PCDHGA6: variants seen among roughly 807,000 people sequenced by gnomAD.
PCDHGA6 encodes the protein protocadherin gamma-A6.
Under a neutral mutation model 60.6 loss-of-function variants are expected in PCDHGA6, and 41 were observed. The ratio of observed to expected loss-of-function variants is 0.68; its 90% confidence interval spans 0.53 to 0.88. The LOEUF is 0.88. Ranked by LOEUF, PCDHGA6 falls within the 40% of genes least tolerant of loss-of-function variation. PCDHGA6 has a pLI of 0.00. For synonymous variants in PCDHGA6, 594 were observed against 524.4 expected, an observed-to-expected ratio of 1.13 and a Z score of -1.81; for missense variants, 1,312 against 1,203.0, an observed-to-expected ratio of 1.09 and a Z score of -1.34.
chr5:141,389,906 T>A, intron 1 of PCDHGA6: 1 of 1,614,086 alleles, frequency 6.2e-7, no homozygotes, highest in Non-Finnish European at 8.5e-7. Context: ...CGGATATCAC[T>A]GACCGCCCCG....
chr5:141,375,805 C>G lies in PCDHGA6; in HGVS notation c.1722C>G (p.Gly574=), dbSNP rs748127561. ...CCCTCCCCACAGACGGTTCCACTGG[C>G]GTGGAGCTGGCGCCCCGCTCCGCAG... The part of the protein sequence containing the change: ...YPALPTDGST[G]VELAPRSAEP... The change falls in exon 1 of 4, where the codon GGC becomes GGG. Residue 574 remains glycine, a synonymous_variant. Coordinates refer to ENST00000517434, the MANE Select transcript of PCDHGA6 (RefSeq NM_018919.3). The G allele has an allele frequency of 6.2e-7, 1 of 1,614,214 alleles. No homozygotes were observed. Among genetic ancestry groups the G allele is most frequent in the Admixed American group, 1.7e-5 (1 of 60,034 alleles).
chr5:141,417,842 C>G (rs1247720013), intron 1 of PCDHGA6: 2 of 1,537,166 alleles, frequency 1.3e-6, no homozygotes, highest in Admixed American at 2.0e-5. Flanking sequence ...GGGGACCCAG[C>G]GAGAACCCGA....
At chr5:141,458,064 C>G (rs886724551) in intron 1 of PCDHGA6, among the ~76,000 whole-genome samples, 1 of 152,104 alleles carries the variant, frequency 6.6e-6, no homozygotes, top group Admixed American at 6.6e-5. Flanking sequence ...TGCACTGATG[C>G]GAACAACTAT....
intron 1 of PCDHGA6, chr5:141,421,138 G>T (rs2096548427): frequency 1.1e-6 from 1 of 899,466 alleles, no homozygotes. Context: ...ATATATTTTG[G>T]ATGTAGTCGG....
chr5:141,487,890 G>C lies in PCDHGA6; in HGVS notation c.2425-6917G>C. 3 of 745,430 alleles carry C rather than the reference G, an allele frequency of 4.0e-6. No homozygotes were observed. Among genetic ancestry groups the C allele is most frequent in the Non-Finnish European group, 6.5e-6 (3 of 462,522 alleles). The allele number at this position is 745,430 out of a possible 1,614,324, so 46.2% of individuals were successfully genotyped here. A position where few individuals can be genotyped will look rare whatever the true frequency, so the allele number is the denominator to read the frequency against. On this transcript the variant is annotated intron_variant, in intron 1 of 3. Coordinates refer to ENST00000517434, the MANE Select transcript of PCDHGA6 (RefSeq NM_018919.3). This position sits in a 1 kb window ranked among gnomAD's most constrained non-coding sequence, Gnocchi z 5.0. ...AAGAGCCAGGCTGTTGTGGAAGCAT[G>C]ATGATGGAATGTGGGAGCACAGGAG...
chr5:141,375,945 T>C lies in PCDHGA6; in HGVS notation c.1862T>C (p.Leu621Pro), dbSNP rs770100512. 1.2e-6 allele frequency: 2 copies of C among 1,613,448 alleles called. No individual in the cohort carries two copies. Among genetic ancestry groups the C allele is most frequent in the Non-Finnish European group, 8.5e-7 (1 of 1,179,954 alleles). Residue 621 changes from leucine to proline, a missense_variant, in exon 1 of 4, where the codon CTG becomes CCG. Coordinates refer to ENST00000517434, the MANE Select transcript of PCDHGA6 (RefSeq NM_018919.3). ...GAGCCAGGACTTTTCTCAGTGGGCCTGCACACGGGCGAGGTGCGCACGGCG... is the reference window on the plus strand; with the variant it reads ...GAGCCAGGACTTTTCTCAGTGGGCCCGCACACGGGCGAGGTGCGCACGGCG... ...ASEPGLFSVG[L>P]HTGEVRTARA...
intron 1 of PCDHGA6, among the ~76,000 whole-genome samples, chr5:141,436,749 C>T (rs2097844674): frequency 6.6e-6 from 1 of 152,154 alleles, no homozygotes; most frequent in Admixed American, 6.5e-5. Flanking sequence ...TGTGCTTCTC[C>T]ATATGGTATA....
rs199537783 is a variant in PCDHGA6 at position 141,389,536 on chromosome 5, A to G, written c.2424+13029A>G. 177 of 1,613,198 alleles carry G rather than the reference A, an allele frequency of 1.1e-4. No individual in the cohort carries two copies. Among genetic ancestry groups the G allele is most frequent in the Middle Eastern group, 9.9e-4 (6 of 6,036 alleles). On this transcript the variant is annotated intron_variant, in intron 1 of 3. Coordinates refer to ENST00000517434, the MANE Select transcript of PCDHGA6 (RefSeq NM_018919.3). ...AACGTGAGCCTGCGCGTGTTAGTGG[A>G]CGACCGCAACGACAATGCGCCACGG...
rs779949480 is a variant in PCDHGA6, at chr5:141,489,768, C to G, written c.2425-5039C>G. The G allele has an allele frequency of 6.2e-7, 1 of 1,614,134 alleles. No individual in the cohort carries two copies. The highest frequency in any genetic ancestry group is 1.1e-5 in the South Asian group (1 of 91,072). On this transcript the variant is annotated intron_variant, in intron 1 of 3. Coordinates refer to ENST00000517434, the MANE Select transcript of PCDHGA6 (RefSeq NM_018919.3). The surrounding 1 kb of genome is among the most constrained non-coding windows in gnomAD (Gnocchi z 4.5). ...GCTTTTACACTCTAAGCCCCAACAG[C>G]CACTTCTCTCTGAATGTGAAGACCC...
chr5:141,425,317 C>T (rs78746536), intron 1 of PCDHGA6, among the ~76,000 whole-genome samples: 174 of 152,168 alleles, frequency 1.1e-3, no homozygotes, highest in East Asian at 3.7e-3. Context: ...TTCCCAAGAT[C>T]GTGGAGAACA....
At position 141,405,272 on chromosome 5, in the gene PCDHGA6, A is replaced by G. The variant is rs551265067; in HGVS notation, c.2424+28765A>G. The G allele has an allele frequency of 9.3e-6, 15 of 1,614,170 alleles. No individual in the cohort carries two copies. In the South Asian group the frequency reaches 1.6e-4, roughly 18 times the overall value. On this transcript the variant is annotated intron_variant, in intron 1 of 3. Transcript: ENST00000517434. ...GAGTCACCTGATCTTCCCCCAGCCC[A>G]ACTATGCAGACACACTCATCAGCCA...
chr5:141,422,643 C>T, intron 1 of PCDHGA6: 1 of 1,612,336 alleles, frequency 6.2e-7, no homozygotes, highest in Non-Finnish European at 8.5e-7. Flanking sequence ...GTGCCTCCAT[C>T]TTCTCAGTGA....
At position 141,490,664 on chromosome 5, in the gene PCDHGA6, C is replaced by T; in HGVS notation, c.2425-4143C>T. 6.2e-7 allele frequency: 1 copy of T among 1,614,212 alleles called. No homozygotes were observed. The highest frequency in any genetic ancestry group is 1.1e-5 in the South Asian group (1 of 91,084). On this transcript the variant is annotated intron_variant, in intron 1 of 3. Coordinates refer to ENST00000517434, the MANE Select transcript of PCDHGA6 (RefSeq NM_018919.3). The surrounding 1 kb of genome is among the most constrained non-coding windows in gnomAD (Gnocchi z 5.4). ...CGGCCTCCGGGCTCCCTTCTTTGCA[C>T]TGTGGCTGCCTCAGATCCAGACACT...
Position 141,476,064 on chromosome 5 carries a change from C to T in PCDHGA6, c.2425-18743C>T, listed in dbSNP as rs1593605493. On this transcript the variant is annotated intron_variant, in intron 1 of 3. Transcript: ENST00000517434. The surrounding 1 kb of genome is among the most constrained non-coding windows in gnomAD (Gnocchi z 7.6). Reference sequence around the variant, plus strand: ...CGCTAACCCGCTGAAAGTTTCTCAGCGAAATCTCAGGGACGATCTGGACCC... The same window carrying T: ...CGCTAACCCGCTGAAAGTTTCTCAGTGAAATCTCAGGGACGATCTGGACCC... 2.0e-6 allele frequency: 3 copies of T among 1,510,080 alleles called. No homozygotes were observed. In the East Asian group the frequency reaches 6.8e-5, roughly 34 times the overall value. 93.5% of individuals were successfully genotyped at this position (1,510,080 alleles called of 1,614,324 possible). A position where few individuals can be genotyped will look rare whatever the true frequency, so the allele number is the denominator to read the frequency against.
At chr5:141,448,143 A>C (rs2098568288) in intron 1 of PCDHGA6, among the ~76,000 whole-genome samples, 1 of 152,012 alleles carries the variant, frequency 6.6e-6, no homozygotes, top group Admixed American at 6.6e-5. Context: ...ACTATACCTC[A>C]GACTCACCCC....
At chr5:141,421,679 C>T (rs1210753842) in intron 1 of PCDHGA6, 2 of 1,613,810 alleles carry the variant, frequency 1.2e-6, no homozygotes, top group Admixed American at 1.7e-5. Context: ...ATTCCTGGGG[C>T]GCGATTTGCT....
intron 1 of PCDHGA6, among the ~76,000 whole-genome samples, chr5:141,482,760 C>CAGCTGTG (rs1363796107): frequency 2.1e-5 from 3 of 141,084 alleles, no homozygotes; most frequent in African/African-American, 5.7e-5. Flanking sequence ...TATGGTATTT[C>CAGCTGTG]ATTATCACTG....
chr5:141,481,622 G>A (rs957374253), intron 1 of PCDHGA6, among the ~76,000 whole-genome samples: 6 of 151,854 alleles, frequency 4.0e-5, no homozygotes, highest in African/African-American at 1.2e-4. Flanking sequence ...GTTCAAGACC[G>A]GCCTGGCCAA....
rs1352437587 is a variant in PCDHGA6 at position 141,389,683 on chromosome 5, C to T, written c.2424+13176C>T. The stretch of plus-strand genomic sequence containing the variant: ...GTGGACGCAGACTCAGGACACAACG[C>T]CTGGCTGTCCTACCACGTGCTGCAG... On this transcript the variant is annotated intron_variant, in intron 1 of 3. Coordinates refer to ENST00000517434, the MANE Select transcript of PCDHGA6 (RefSeq NM_018919.3). 14 of 1,612,374 alleles carry T rather than the reference C, an allele frequency of 8.7e-6. No individual in the cohort carries two copies. In the Admixed American group the frequency reaches 2.3e-4, roughly 27 times the overall value.
Sources: gnomAD v4.1 joint callset for allele counts (sites outside exome capture counted in the v4.1 genomes callset) on GRCh38, gnomAD v4.1.1 for gene constraint, Gnocchi (gnomAD v3.1) non-coding constraint, MANE v1.5 for transcripts, NCBI Gene and HGNC (gene_info 2026-07-23, HGNC 2026-07-21) for gene names.